SLC25A30: variants seen among roughly 807,000 people sequenced by gnomAD.
The protein encoded by SLC25A30 is solute carrier family 25 member 30, also known as kidney mitochondrial carrier protein 1.
In SLC25A30, 29 loss-of-function variants were observed where a neutral mutation model predicts 42.7. The ratio of observed to expected loss-of-function variants is 0.68; its 90% CI spans 0.51 to 0.93. SLC25A30 has a LOEUF of 0.93. Ranked by LOEUF, SLC25A30 falls within the 40% of genes least tolerant of loss-of-function variation. The pLI is 0.00. For missense variants in SLC25A30, 300 were observed against 359.7 expected (o/e 0.83, Z 1.34); for synonymous variants, 124 against 131.0 (o/e 0.95, Z 0.37).
the SLC25A30 span, among the ~76,000 whole-genome samples, chr13:45,424,639 A>G: frequency 1.9e-4 from 7 of 36,768 alleles, 2 homozygotes; most frequent in Admixed American, 1.5e-3. Flanking sequence ...ATATGTATAT[A>G]AACATAAATA....
intron 5 of SLC25A30, chr13:45,402,786 G>C: frequency 1.0e-6 from 1 of 985,416 alleles, no homozygotes; most frequent in Non-Finnish European, 1.2e-6. Flanking sequence ...GGCAAGCATA[G>C]TTCTTAAATT....
rs577578138 is a variant in SLC25A30 at position 45,416,070 on chromosome 13, T to A, written c.-56+2230A>T. On this transcript the variant is annotated intron_variant, in intron 1 of 9. Transcript: ENST00000519676. ...GCCTCCGACTCCCAAAGTGCTGGGA[T>A]TATAGGCATGAACCACGGCGCCCGG... 1.2e-3 allele frequency among the ~76,000 whole-genome samples: 177 copies of A among 150,818 alleles called. 1 individual carries two copies. The highest frequency in any genetic ancestry group is 4.0e-3 in the African/African-American group (164 of 41,270).
chr13:45,397,231 C>T, intron 9 of SLC25A30, 27 bp downstream of exon 9: 1 of 1,441,124 alleles, frequency 6.9e-7, no homozygotes, highest in Admixed American at 1.8e-5. Context: ...TATCTTTTTT[C>T]AGATCTATTG....
the SLC25A30 span, among the ~76,000 whole-genome samples, chr13:45,425,013 A>AATATATATGTAT: frequency 6.9e-5 from 1 of 14,578 alleles, no homozygotes; most frequent in Non-Finnish European, 1.1e-4. Flanking sequence ...AATATATATA[A>AATATATATGTAT]ATATACATAT....
chr13:45,401,186 T>C lies in SLC25A30; in HGVS notation c.511A>G (p.Arg171Gly). The change falls in exon 7 of 10, where the codon AGG becomes GGG. Residue 171 changes from arginine (R) to glycine (G), a missense_variant. Physicochemically the swap from Arg to Gly is moderately radical, Grantham distance 125. Transcript: ENST00000519676. ...LWKGVSLTAQRAAIVVGVELP... is the reference protein window; with the variant it reads ...LWKGVSLTAQGAAIVVGVELP... ...TCCACACCAACAACAATAGCAGCCC[T>C]CTGCGCAGTAAGGGACACACCCTGG... The C allele has an allele frequency of 6.2e-7, 1 of 1,614,052 alleles. No homozygotes were observed.
chr13:45,413,772 T>C (rs1173937093), intron 1 of SLC25A30, among the ~76,000 whole-genome samples: 1 of 152,204 alleles, frequency 6.6e-6, no homozygotes, highest in African/African-American at 2.4e-5. Flanking sequence ...AGGCTGGTCT[T>C]GAACTCCTGA....
In SLC25A30 at chr13:45,402,267, T is replaced by C; in HGVS notation, c.489+8A>G. The C allele has an allele frequency of 6.2e-7, 1 of 1,604,006 alleles. No individual in the cohort carries two copies. The highest frequency in any genetic ancestry group is 8.5e-7 in the Non-Finnish European group (1 of 1,171,336). ...AATAAATCAGTTCGATCCATCCTTC[T>C]GGCTTACCTTCCACAGTCCTCTTGT... On this transcript the variant is annotated splice_region_variant and intron_variant, in intron 6 of 9. Coordinates refer to ENST00000519676, the MANE Select transcript of SLC25A30 (RefSeq NM_001010875.4).
the SLC25A30 span, among the ~76,000 whole-genome samples, chr13:45,424,408 A>C: frequency 0.012 from 695 of 59,780 alleles, 20 homozygotes; most frequent in African/African-American, 0.043. Context: ...AATATATAAA[A>C]ATATATATAA....
At chr13:45,431,173 G>A in the SLC25A30 span, among the ~76,000 whole-genome samples, 6 of 151,856 alleles carry the variant, frequency 4.0e-5, no homozygotes, top group African/African-American at 9.7e-5. Context: ...TCAGCCTCCC[G>A]AGTAGCTGGG....
chr13:45,399,643 C>A (rs1881724795), intron 7 of SLC25A30, among the ~76,000 whole-genome samples: 1 of 152,176 alleles, frequency 6.6e-6, no homozygotes, highest in Non-Finnish European at 1.5e-5. Flanking sequence ...CTAAGAATAC[C>A]TGACATTCTA....
At chr13:45,412,220 T>A (rs1314319579) in intron 1 of SLC25A30, among the ~76,000 whole-genome samples, 4 of 151,948 alleles carry the variant, frequency 2.6e-5, no homozygotes, top group African/African-American at 9.7e-5. Flanking sequence ...CCTGGGCTCA[T>A]GTGATCCTCC....
intron 9 of SLC25A30, chr13:45,396,710 G>A (rs1160352732): frequency 6.5e-6 from 1 of 154,290 alleles, no homozygotes. Context: ...AGGCGGAGGT[G>A]GCAGTGACCC....
At position 45,394,327 on chromosome 13, in the gene SLC25A30, G is replaced by T; in HGVS notation, c.*1647C>A. On this transcript the variant is annotated 3_prime_UTR_variant, in exon 10 of 10. Coordinates refer to ENST00000519676, the MANE Select transcript of SLC25A30 (RefSeq NM_001010875.4). ...TCACTTTTGGAAATAATATTCAAAG[G>T]GACCATTCATGCATAAGGAAGGCAA... 1.0e-6 allele frequency: 1 copy of T among 976,396 alleles called. No individual in the cohort carries two copies. The highest frequency in any genetic ancestry group is 1.2e-6 in the Non-Finnish European group (1 of 828,612). The allele number at this position is 976,396 out of a possible 1,614,324, so 60.5% of individuals were successfully genotyped here.
intron 2 of SLC25A30, among the ~76,000 whole-genome samples, chr13:45,411,072 G>A (rs765720346): frequency 1.1e-4 from 16 of 151,400 alleles, no homozygotes; most frequent in East Asian, 5.8e-4. Context: ...CCCGAGTAGC[G>A]GGGACTACAG....
Position 45,402,296 on chromosome 13 carries a change from C to CT in SLC25A30, c.467dup (p.Thr158AspfsTer27). 6.2e-7 allele frequency: 1 copy of CT among 1,613,994 alleles called. No individual in the cohort carries two copies. The highest frequency in any genetic ancestry group is 8.5e-7 in the Non-Finnish European group (1 of 1,179,878). ...TTACCTTCCACAGTCCTCTTGTCCCCTCTTGCTGGTAAATGTTCATGAAGT... is the reference window on the plus strand; with the variant it reads ...TTACCTTCCACAGTCCTCTTGTCCCCTTCTTGCTGGTAAATGTTCATGAAGT... On this transcript the variant is annotated frameshift_variant, in exon 6 of 10. Transcript: ENST00000519676. LOFTEE classifies it high-confidence loss of function.
intron 8 of SLC25A30, chr13:45,397,863 A>G (rs1380827666): frequency 3.0e-6 from 3 of 984,562 alleles, no homozygotes; most frequent in African/African-American, 1.7e-5. Flanking sequence ...TGAACTCCAC[A>G]CAAAGGAGAT....
In SLC25A30 at chr13:45,393,732, G is replaced by GAAAA; in HGVS notation, c.*2238_*2241dup. The GAAAA allele has an allele frequency of 1.0e-6, 1 of 985,356 alleles. No individual in the cohort carries two copies. The allele number at this position is 985,356 out of a possible 1,614,324, so 61.0% of individuals were successfully genotyped here. A position where few individuals can be genotyped will look rare whatever the true frequency, so the allele number is the denominator to read the frequency against. ...TTGCATTAACTCTTTCAAAAAAACA[G>GAAAA]AAAAAGCAGGTTAAGATCCTGTTCA... On this transcript the variant is annotated 3_prime_UTR_variant, in exon 10 of 10. Coordinates refer to ENST00000519676, the MANE Select transcript of SLC25A30 (RefSeq NM_001010875.4).
intron 2 of SLC25A30, among the ~76,000 whole-genome samples, chr13:45,409,313 A>G (rs1166042656): frequency 3.3e-5 from 5 of 152,218 alleles, no homozygotes; most frequent in Non-Finnish European, 7.3e-5. Flanking sequence ...ACCTCATCTT[A>G]TTCTACACAG....
At chr13:45,432,709 T>TAA in the SLC25A30 span, among the ~76,000 whole-genome samples, 3 of 130,410 alleles carry the variant, frequency 2.3e-5, no homozygotes, top group Admixed American at 7.9e-5. Context: ...TATAGGACAC[T>TAA]AAAAAAAAAA....
Sources: allele counts gnomAD v4.1 joint callset (sites outside exome capture counted in the v4.1 genomes callset), GRCh38; gene constraint gnomAD v4.1.1; transcripts MANE v1.5; gene names NCBI Gene and HGNC (gene_info 2026-07-23, HGNC 2026-07-21).